Variants in ADARB1 observed in about 807,000 individuals in gnomAD.
ADARB1 encodes the protein adenosine deaminase RNA specific B1.
Under a neutral mutation model 52.4 loss-of-function variants are expected in ADARB1, and 10 were observed. That is an observed-to-expected ratio of 0.19 (90% CI 0.12 to 0.32). The LOEUF (loss-of-function observed/expected upper bound fraction) is 0.32. Among genes scored for constraint, ADARB1 ranks in the 10% least tolerant of loss-of-function variants. ADARB1 has a pLI of 1.00. For synonymous variants in ADARB1, 349 were observed against 371.1 expected (o/e 0.94, Z 0.68); for missense variants, 643 against 922.3 (o/e 0.70, Z 3.92).
intron 1 of ADARB1, among the ~76,000 whole-genome samples, chr21:45,077,501 T>C (rs2085987293): frequency 6.6e-6 from 1 of 151,784 alleles, no homozygotes; most frequent in African/African-American, 2.4e-5. Flanking sequence ...CCGTCTCTAC[T>C]AAAAAAATAT....
chr21:45,213,376 G>A (rs1356219873), intron 9 of ADARB1, among the ~76,000 whole-genome samples: 10 of 151,836 alleles, frequency 6.6e-5, no homozygotes, highest in Non-Finnish European at 5.9e-5. Context: ...ATTATCTTTA[G>A]TGTCTTTTCA....
At chr21:45,184,192 A>G (rs1601826961) in intron 7 of ADARB1, among the ~76,000 whole-genome samples, 1 of 152,236 alleles carries the variant, frequency 6.6e-6, no homozygotes, top group Non-Finnish European at 1.5e-5. Flanking sequence ...CATACTTTCC[A>G]TGGGTTTATT....
chr21:45,217,350 T>C (rs1007111346), intron 9 of ADARB1, among the ~76,000 whole-genome samples: 14 of 152,124 alleles, frequency 9.2e-5, no homozygotes, highest in African/African-American at 2.7e-4. Flanking sequence ...TGACTCCTTC[T>C]TGACTTTTGA....
chr21:45,198,182 A>G (rs916566611), intron 8 of ADARB1, among the ~76,000 whole-genome samples: 1 of 152,234 alleles, frequency 6.6e-6, no homozygotes, highest in Non-Finnish European at 1.5e-5. Context: ...TTTGTAAGCA[A>G]CAAAGATGTA....
intron 1 of ADARB1, among the ~76,000 whole-genome samples, chr21:45,099,602 C>T (rs1019070193): frequency 2.0e-5 from 3 of 151,908 alleles, no homozygotes; most frequent in African/African-American, 7.3e-5. Flanking sequence ...TGGGAGGGGA[C>T]CACTCCAGCC....
chr21:45,209,276 T>G (rs1424649840), intron 9 of ADARB1, among the ~76,000 whole-genome samples: 1 of 152,190 alleles, frequency 6.6e-6, no homozygotes. Flanking sequence ...TCACATAGCC[T>G]CATGATCAAC....
intron 1 of ADARB1, among the ~76,000 whole-genome samples, chr21:45,086,055 C>T (rs189562313): frequency 4.0e-4 from 61 of 152,260 alleles, no homozygotes; most frequent in Middle Eastern, 3.4e-3. Context: ...TTTTGAGCTA[C>T]GGTGTAGAAT....
rs558261068 is a variant in ADARB1, at chr21:45,091,318, C to T, written c.-220+16525C>T. On this transcript the variant is annotated intron_variant, in intron 1 of 10. Transcript: ENST00000348831. ...CAATGCTAGTTGACGTTTGGCTTAA[C>T]TGCTTATATAATTATTTCTGCTTTT... Among the ~76,000 whole-genome samples the T allele has an allele frequency of 3.3e-4, 51 of 152,326 alleles. No homozygotes were observed. In the Middle Eastern group the frequency reaches 0.017, roughly 51 times the overall value.
intron 1 of ADARB1, among the ~76,000 whole-genome samples, chr21:45,119,366 C>T (rs941368940): frequency 6.6e-6 from 1 of 152,240 alleles, no homozygotes; most frequent in African/African-American, 2.4e-5. Context: ...GCTGAGCACA[C>T]CACTGTGCCT....
chr21:45,103,934 T>TGAA (rs2087134913), intron 1 of ADARB1, among the ~76,000 whole-genome samples: 1 of 152,242 alleles, frequency 6.6e-6, no homozygotes, highest in African/African-American at 2.4e-5. Context: ...TTTGATTTCT[T>TGAA]AACTCTGTCT....
At position 45,172,549 on chromosome 21, in the gene ADARB1, C is replaced by T. The variant is rs904663005; in HGVS notation, c.28+865C>T. Among the ~76,000 whole-genome samples the T allele has an allele frequency of 1.3e-5, 2 of 152,144 alleles. No homozygotes were observed. Among genetic ancestry groups the T allele is most frequent in the African/African-American group, 4.8e-5 (2 of 41,434 alleles). ...GGGTCTTGGAGTCACTCTTGCGTAC[C>T]ATGTAGAACCCAAACCATGACCCAG... is the stretch of plus-strand genomic sequence containing the variant. On this transcript the variant is annotated intron_variant, in intron 3 of 10. Transcript: ENST00000348831. This position sits in a 1 kb window ranked among gnomAD's most constrained non-coding sequence, Gnocchi z 4.4.
intron 2 of ADARB1, chr21:45,144,631 G>C (rs778732093): frequency 2.2e-6 from 1 of 453,644 alleles, no homozygotes; most frequent in African/African-American, 2.0e-5. Flanking sequence ...AATCCTAAAG[G>C]TGGAAGAAAG....
chr21:45,184,466 TGA>T (rs771976192), intron 7 of ADARB1: 1 of 175,478 alleles, frequency 5.7e-6, no homozygotes, highest in Non-Finnish European at 1.1e-5. Flanking sequence ...TTTTTTTTTT[TGA>T]GACAGGGTCT....
intron 2 of ADARB1, among the ~76,000 whole-genome samples, chr21:45,147,530 GTGC>G (rs1445359170): frequency 6.6e-6 from 1 of 152,162 alleles, no homozygotes; most frequent in Non-Finnish European, 1.5e-5. Context: ...ACTGTAAAAC[GTGC>G]TACCTTAGAC....
At chr21:45,137,168 A>G (rs1158155657) in intron 2 of ADARB1, 1 of 152,234 alleles carries the variant, frequency 6.6e-6, no homozygotes, top group African/African-American at 2.4e-5. Context: ...AGAAGTGAGA[A>G]GATTCACGTG....
At chr21:45,123,296 TA>T (rs1292541848) in intron 1 of ADARB1, among the ~76,000 whole-genome samples, 13 of 132,630 alleles carry the variant, frequency 9.8e-5, no homozygotes, top group Admixed American at 2.6e-4. Context: ...TGTGTGTGTA[TA>T]ATTAATTATA....
chr21:45,101,389 G>T (rs1041725793), intron 1 of ADARB1, among the ~76,000 whole-genome samples: 1 of 152,252 alleles, frequency 6.6e-6, no homozygotes, highest in African/African-American at 2.4e-5. Context: ...CGAGTGCTGG[G>T]TGCAGAGGAT....
In ADARB1 at chr21:45,224,800, G is replaced by T; in HGVS notation, c.*2603G>T. The T allele has an allele frequency of 1.0e-6, 1 of 984,752 alleles. No individual in the cohort carries two copies. The allele number at this position is 984,752 out of a possible 1,614,324, so 61.0% of individuals were successfully genotyped here. ...GCACTGCTCCTAGGACAGCTCATCTGTAATCAGAAAAAAAATAAACAAAAT... is the reference window on the plus strand; with the variant it reads ...GCACTGCTCCTAGGACAGCTCATCTTTAATCAGAAAAAAAATAAACAAAAT... On this transcript the variant is annotated 3_prime_UTR_variant, in exon 11 of 11. Coordinates refer to ENST00000348831, the MANE Select transcript of ADARB1 (RefSeq NM_001112.4).
rs566669045 is a variant in ADARB1, at chr21:45,167,110, T to G, written c.-47-4500T>G. ...AAACTGAAAACGTTGGCTTCTGCTCTGCAAGAGATTTGTAGCTCCCATTCT... is the reference window on the plus strand; with the variant it reads ...AAACTGAAAACGTTGGCTTCTGCTCGGCAAGAGATTTGTAGCTCCCATTCT... On this transcript the variant is annotated intron_variant, in intron 2 of 10. Coordinates refer to ENST00000348831, the MANE Select transcript of ADARB1 (RefSeq NM_001112.4). 1.2e-3 allele frequency among the ~76,000 whole-genome samples: 186 copies of G among 152,360 alleles called. 1 individual carries two copies. Among genetic ancestry groups the G allele is most frequent in the African/African-American group, 4.4e-3 (183 of 41,596 alleles).
Sources: gnomAD v4.1 joint callset for allele counts (sites outside exome capture counted in the v4.1 genomes callset) on GRCh38, gnomAD v4.1.1 for gene constraint, Gnocchi (gnomAD v3.1) non-coding constraint, MANE v1.5 for transcripts, NCBI Gene and HGNC (gene_info 2026-07-23, HGNC 2026-07-21) for gene names.